OTUD5: variants seen among roughly 807,000 people sequenced by gnomAD.
OTUD5 encodes OTU domain-containing protein 5.
A neutral mutation model predicts 36.3 loss-of-function variants in OTUD5; 2 were observed. The observed-to-expected ratio is 0.06, with a 90% CI of 0.02 to 0.17. The LOEUF is 0.17. OTUD5 is among the 10% of genes least tolerant of loss of function. The pLI is 1.00. For missense variants in OTUD5, 233 were observed against 512.3 expected (o/e 0.45, Z 5.26); for synonymous variants, 234 against 214.9 (o/e 1.09, Z -0.78).
chrX:48,938,205 G>A (rs1602396728), intron 2 of OTUD5, among the ~76,000 whole-genome samples: 3 of 111,228 alleles, frequency 2.7e-5, no homozygotes, highest in East Asian at 5.6e-4. Flanking sequence ...TTTTGAGGGG[G>A]GAAACACACC....
intron 2 of OTUD5, among the ~76,000 whole-genome samples, chrX:48,937,570 G>A (rs1212618725): frequency 8.9e-6 from 1 of 112,388 alleles, no homozygotes; most frequent in Non-Finnish European, 1.9e-5. Context: ...AAAACCCCCT[G>A]AGGGTCCCAT....
Position 48,922,669 on chromosome X carries a change from A to G in OTUD5, c.*505T>C. ...TAAAAGTAATTTTAATAAAGAAAAAATTCAACATTGAAGGCTCAGACGTTC... is the reference window on the plus strand; with the variant it reads ...TAAAAGTAATTTTAATAAAGAAAAAGTTCAACATTGAAGGCTCAGACGTTC... On this transcript the variant is annotated 3_prime_UTR_variant, in exon 9 of 9. Transcript: ENST00000376488. The G allele has an allele frequency of 1.3e-6, 1 of 754,657 alleles. No homozygotes were observed. The highest frequency in any genetic ancestry group is 1.6e-6 in the Non-Finnish European group (1 of 639,123). The allele number at this position is 754,657 out of a possible 1,213,427, so 62.2% of individuals were successfully genotyped here.
chrX:48,932,804 T>C lies in OTUD5; in HGVS notation c.1059+1660A>G, dbSNP rs782783735. Among the ~76,000 whole-genome samples, 7 of 111,334 alleles carry C rather than the reference T, an allele frequency of 6.3e-5. No homozygotes were observed. In the South Asian group the frequency reaches 2.2e-3, roughly 35 times the overall value. On this transcript the variant is annotated intron_variant, in intron 5 of 8. Coordinates refer to ENST00000376488, the MANE Select transcript of OTUD5 (RefSeq NM_001136157.2). ...ACAAAAAAAAAAAATTTTTTTTCAT[T>C]TTTTTACAAAAAGTTTTTTTAAAAC...
At chrX:48,932,251 TCTC>T (rs1435776328) in intron 5 of OTUD5, among the ~76,000 whole-genome samples, 6 of 110,193 alleles carry the variant, frequency 5.4e-5, no homozygotes, top group East Asian at 5.5e-4. Flanking sequence ...TTCTGTATTA[TCTC>T]CTCAATTGTT....
chrX:48,931,716 C>A (rs2147568707), intron 5 of OTUD5, among the ~76,000 whole-genome samples: 1 of 104,565 alleles, frequency 9.6e-6, no homozygotes, highest in African/African-American at 3.5e-5. Flanking sequence ...AAGGCGGAGG[C>A]TGCAGTGAGC....
At chrX:48,928,304 A>G (rs973536846) in intron 5 of OTUD5, among the ~76,000 whole-genome samples, 27 of 112,309 alleles carry the variant, frequency 2.4e-4, no homozygotes, top group African/African-American at 8.7e-4. Flanking sequence ...CGTCCACAAA[A>G]AAACCTGCAT....
intron 2 of OTUD5, among the ~76,000 whole-genome samples, chrX:48,938,620 G>C (rs1199691532): frequency 9.1e-6 from 1 of 110,292 alleles, no homozygotes; most frequent in Non-Finnish European, 1.9e-5. Context: ...CTTGAACCCG[G>C]GAGGTGGAGG....
chrX:48,931,935 G>A (rs1557048925), intron 5 of OTUD5, among the ~76,000 whole-genome samples: 1 of 108,883 alleles, frequency 9.2e-6, no homozygotes, highest in East Asian at 2.9e-4. Context: ...TGGATCACCT[G>A]AGGTCAGGAG....
intron 1 of OTUD5, among the ~76,000 whole-genome samples, chrX:48,952,018 T>C (rs1369546662): frequency 6.4e-5 from 7 of 109,990 alleles, no homozygotes; most frequent in Non-Finnish European, 7.6e-5. Flanking sequence ...ATTGCGCCAC[T>C]GCACTCCAGC....
chrX:48,924,238 C>A (rs781788838), intron 6 of OTUD5, among the ~76,000 whole-genome samples, 186 bp from the exon 7 acceptor site: 1 of 111,428 alleles, frequency 9.0e-6, no homozygotes, highest in African/African-American at 3.3e-5. Flanking sequence ...AGCTCCTTAC[C>A]CTTTCTCTCA....
upstream of OTUD5, chrX:48,958,236 A>T (rs1218837165): frequency 8.8e-6 from 1 of 113,070 alleles, no homozygotes; most frequent in African/African-American, 3.2e-5. Flanking sequence ...TCTGACCTGC[A>T]GGCGTCGGTA....
intron 1 of OTUD5, among the ~76,000 whole-genome samples, chrX:48,954,887 T>C (rs187639442): frequency 4.6e-4 from 51 of 112,060 alleles, no homozygotes; most frequent in Non-Finnish European, 7.2e-4. Context: ...TCATAGAAAG[T>C]AGGAGGACCT....
Position 48,957,560 on chromosome X carries a change from A to G in OTUD5, c.11T>C (p.Leu4Pro). MTI[L>P]PKKKPPPPDA... ...GGGAGGCGGCGGCTTCTTTTTGGGG[A>G]GTATAGTCATGGCTGCACTGCCGAG... Residue 4 changes from leucine to proline, a missense_variant, in exon 1 of 9, where the codon CTC (leucine) becomes CCC (proline). Physicochemically the swap from Leu to Pro is moderately conservative, Grantham distance 98. Transcript: ENST00000376488. 7.6e-6 allele frequency: 6 copies of G among 787,232 alleles called. No individual in the cohort carries two copies. The highest frequency in any genetic ancestry group is 6.1e-6 in the Non-Finnish European group (4 of 654,818). 64.9% of individuals were successfully genotyped at this position (787,232 alleles called of 1,213,427 possible). A position where few individuals can be genotyped will look rare whatever the true frequency, so the allele number is the denominator to read the frequency against.
chrX:48,942,962 A>G (rs782785728), intron 2 of OTUD5, among the ~76,000 whole-genome samples: 6 of 111,059 alleles, frequency 5.4e-5, no homozygotes, highest in African/African-American at 2.0e-4. Context: ...GATGGAGCCT[A>G]AAACACCCCA....
intron 5 of OTUD5, among the ~76,000 whole-genome samples, chrX:48,930,690 A>G (rs1663312587): frequency 9.0e-6 from 1 of 111,470 alleles, no homozygotes; most frequent in Non-Finnish European, 1.9e-5. Flanking sequence ...TGGGCGCAGT[A>G]GCTCACACCT....
intron 5 of OTUD5, among the ~76,000 whole-genome samples, chrX:48,932,161 GATAATAATAATA>G (rs781824408): frequency 1.2e-3 from 106 of 88,811 alleles, no homozygotes; most frequent in Admixed American, 5.2e-3. Context: ...AAAAAAAGAT[GATAATAATAATA>G]ATAATAATAA....
At chrX:48,923,418 A>G in intron 8 of OTUD5, 123 bp from the exon 9 acceptor site, 1 of 609,170 alleles carries the variant, frequency 1.6e-6, no homozygotes, top group South Asian at 2.7e-5. Context: ...CCTTTCTCAA[A>G]ACAGAAGGAT....
At position 48,957,396 on chromosome X, in the gene OTUD5, C is replaced by T. The variant is rs782219255; in HGVS notation, c.175G>A (p.Ala59Thr). The T allele has an allele frequency of 8.2e-6, 9 of 1,098,748 alleles. No individual in the cohort carries two copies. The highest frequency in any genetic ancestry group is 3.4e-4 in the Middle Eastern group (1 of 2,918). 90.5% of individuals were successfully genotyped at this position (1,098,748 alleles called of 1,213,427 possible). ...GGCGGTGGCGAAGCTCGCGGACGGG[C>T]CCCCACGACGCCGGAGTCACGGTCG... ...DRDRDSGVVGARPRASPPPQG... is the reference protein window; with the variant it reads ...DRDRDSGVVGTRPRASPPPQG... The change falls in exon 1 of 9, where the codon GCC becomes ACC. Residue 59 changes from alanine (A) to threonine (T), a missense_variant. Physicochemically the swap from Ala to Thr is moderately conservative, Grantham distance 58. This residue lies in a region of OTUD5 where 155 missense variants were observed against 217.2 expected (regional missense o/e 0.71). Coordinates refer to ENST00000376488, the MANE Select transcript of OTUD5 (RefSeq NM_001136157.2).
intron 5 of OTUD5, among the ~76,000 whole-genome samples, chrX:48,929,638 T>C (rs1239960056): frequency 1.9e-5 from 2 of 106,779 alleles, no homozygotes; most frequent in African/African-American, 6.9e-5. Flanking sequence ...CGAGAATTGC[T>C]TGAACCCAGG....
Sources: allele counts gnomAD v4.1 joint callset (sites outside exome capture counted in the v4.1 genomes callset), GRCh38; gene constraint gnomAD v4.1.1; regional missense constraint gnomAD v4.1.1; transcripts MANE v1.5; gene names NCBI Gene and HGNC (gene_info 2026-07-23, HGNC 2026-07-21).